The following SPATA3 variants were observed in gnomAD, a reference collection of about 807,000 sequenced individuals.
SPATA3 encodes spermatogenesis associated 3.
SPATA3 carries 6 observed loss-of-function variants against 5.7 expected under a neutral mutation model. That is an observed-to-expected ratio of 1.06 (90% CI 0.58 to 2.09). The LOEUF (loss-of-function observed/expected upper bound fraction) is 2.09. SPATA3 is among the 30% of genes most tolerant of loss of function. The pLI, the probability that SPATA3 is intolerant of heterozygous loss-of-function variation, is 0.00. For synonymous variants in SPATA3, 44 were observed against 48.4 expected, an observed-to-expected ratio of 0.91 and a Z score of 0.37; for missense variants, 155 against 130.4, an observed-to-expected ratio of 1.19 and a Z score of -0.92.
At chr2:230,996,279 G>T (rs1283373321) in intron 1 of SPATA3, 2 of 1,527,542 alleles carry the variant, frequency 1.3e-6, no homozygotes, top group East Asian at 2.5e-5. Flanking sequence ...ACGCCACCGA[G>T]ACTCCACCTC....
chr2:231,018,875 G>T (rs894868522), intron 6 of SPATA3, among the ~76,000 whole-genome samples: 6 of 151,838 alleles, frequency 4.0e-5, no homozygotes, highest in African/African-American at 1.5e-4. Context: ...TAGTAGAGAT[G>T]GAGTTTCACC....
chr2:230,997,219 G>A (rs1692159653), intron 1 of SPATA3, among the ~76,000 whole-genome samples: 1 of 152,194 alleles, frequency 6.6e-6, no homozygotes, highest in South Asian at 2.1e-4. Context: ...TTTCCGTGGT[G>A]TTCTCGTGAT....
chr2:231,004,171 C>T (rs1692454003), downstream of SPATA3: 1 of 152,214 alleles, frequency 6.6e-6, no homozygotes, highest in African/African-American at 2.4e-5. Flanking sequence ...GATACCATGT[C>T]CCATGTCTGT....
At chr2:230,998,247 C>T (rs888744501) in intron 1 of SPATA3, among the ~76,000 whole-genome samples, 2 of 152,232 alleles carry the variant, frequency 1.3e-5, no homozygotes, top group Non-Finnish European at 2.9e-5. Context: ...AAATATAAGG[C>T]ATGCCATGCC....
chr2:231,017,478 A>G (rs1692962249), intron 6 of SPATA3, among the ~76,000 whole-genome samples: 1 of 152,172 alleles, frequency 6.6e-6, no homozygotes, highest in Non-Finnish European at 1.5e-5. Flanking sequence ...AATTGGACCA[A>G]CTCAGTTGAC....
intron 1 of SPATA3, 90 bp from the exon 2 acceptor site, chr2:231,000,275 TG>T: frequency 2.5e-6 from 3 of 1,194,852 alleles, no homozygotes; most frequent in Non-Finnish European, 2.2e-6. Flanking sequence ...GCTGCCGTTG[TG>T]GGGGGCCTTC....
At chr2:231,010,873 G>A (rs572854943), downstream of SPATA3, among the ~76,000 whole-genome samples, 9 of 149,938 alleles carry the variant, frequency 6.0e-5, no homozygotes, top group South Asian at 1.9e-3. Context: ...TTGGAGACCA[G>A]TCTGGGCAGC....
chr2:230,998,569 C>A (rs1231777343), intron 1 of SPATA3, among the ~76,000 whole-genome samples: 2 of 152,226 alleles, frequency 1.3e-5, no homozygotes, highest in Non-Finnish European at 2.9e-5. Context: ...CAAAGGAATT[C>A]TCTGCGTAGA....
At chr2:231,008,320 G>T (rs754362488), downstream of SPATA3, among the ~76,000 whole-genome samples, 13 of 152,206 alleles carry the variant, frequency 8.5e-5, no homozygotes, top group African/African-American at 2.9e-4. Flanking sequence ...GAGTCAGCCC[G>T]CATGCACTGG....
intron 5 of SPATA3, among the ~76,000 whole-genome samples, chr2:231,013,542 G>GTGCAA (rs1257162516): frequency 1.3e-5 from 2 of 151,682 alleles, no homozygotes; most frequent in Non-Finnish European, 2.9e-5. Context: ...CCAGGCTGGA[G>GTGCAA]TGCAATGGCA....
chr2:231,005,508 C>T (rs1471211471), downstream of SPATA3, among the ~76,000 whole-genome samples: 14 of 45,108 alleles, frequency 3.1e-4, no homozygotes, highest in South Asian at 1.3e-3. Flanking sequence ...ATCATCACCA[C>T]CACCACCATC....
chr2:231,004,559 G>C (rs1692466922), downstream of SPATA3, among the ~76,000 whole-genome samples: 1 of 152,136 alleles, frequency 6.6e-6, no homozygotes, highest in Admixed American at 6.5e-5. Context: ...GGGATGTGTG[G>C]AAGTGCTGAG....
downstream of SPATA3, among the ~76,000 whole-genome samples, chr2:231,005,968 A>G (rs144098666): frequency 6.2e-3 from 926 of 149,532 alleles, 5 homozygotes; most frequent in Non-Finnish European, 8.5e-3. Flanking sequence ...GTTTGAGACC[A>G]GCCTGGGTAA....
chr2:231,015,379 G>T (rs532278415), intron 6 of SPATA3, among the ~76,000 whole-genome samples: 1 of 147,786 alleles, frequency 6.8e-6, no homozygotes, highest in Non-Finnish European at 1.5e-5. Context: ...ACCATGGCCC[G>T]CCAGGACCTA....
chr2:230,996,813 G>A (rs1161418419), intron 1 of SPATA3, among the ~76,000 whole-genome samples: 2 of 152,168 alleles, frequency 1.3e-5, no homozygotes, highest in South Asian at 4.1e-4. Flanking sequence ...GGAATCAGCA[G>A]TGCCATGCAA....
chr2:231,003,549 CAG>C (rs1692432736), downstream of SPATA3, among the ~76,000 whole-genome samples: 1 of 152,208 alleles, frequency 6.6e-6, no homozygotes, highest in South Asian at 2.1e-4. Flanking sequence ...AATGATGACA[CAG>C]AGTTAGTCTC....
intron 1 of SPATA3, chr2:230,999,575 C>T (rs76747158): frequency 0.01 from 1,584 of 155,132 alleles, 31 homozygotes; most frequent in African/African-American, 0.036. Flanking sequence ...GTCAAGAAGA[C>T]GCAGGGCTAC....
At chr2:231,011,833 G>C (rs1692796127), downstream of SPATA3, among the ~76,000 whole-genome samples, 1 of 152,214 alleles carries the variant, frequency 6.6e-6, no homozygotes, top group South Asian at 2.1e-4. Context: ...CAGCACTTCA[G>C]GCTGCTATTA....
chr2:231,008,698 A>G (rs1692706798), downstream of SPATA3, among the ~76,000 whole-genome samples: 2 of 152,320 alleles, frequency 1.3e-5, no homozygotes, highest in South Asian at 4.2e-4. Context: ...GACTGAAGAC[A>G]CTTCCTTTTT....
Sources: gnomAD v4.1 joint callset for allele counts (sites outside exome capture counted in the v4.1 genomes callset) on GRCh38, gnomAD v4.1.1 for gene constraint, MANE v1.5 for transcripts, NCBI Gene and HGNC (gene_info 2026-07-23, HGNC 2026-07-21) for gene names.